ZEB1: variants seen among roughly 807,000 people sequenced by gnomAD.
ZEB1 encodes zinc finger E-box-binding homeobox 1.
A neutral mutation model predicts 84.9 loss-of-function variants in ZEB1; 21 were observed. The observed-to-expected ratio is 0.25, with a 90% CI of 0.18 to 0.36. The LOEUF is 0.36. Ranked by LOEUF, ZEB1 falls within the 10% of genes least tolerant of loss-of-function variation. The probability of loss-of-function intolerance (pLI) is 1.00; values close to 1 mark genes in which losing one functional copy is unlikely to be tolerated. For synonymous variants in ZEB1, 420 were observed against 471.1 expected, an observed-to-expected ratio of 0.89 and a Z score of 1.41; for missense variants, 1,104 against 1,330.2, an observed-to-expected ratio of 0.83 and a Z score of 2.65.
At chr10:31,526,207 A>T (rs890000981) in intron 8 of ZEB1, among the ~76,000 whole-genome samples, 4 of 152,222 alleles carry the variant, frequency 2.6e-5, no homozygotes, top group Admixed American at 6.5e-5. Flanking sequence ...TATCGTATAT[A>T]AAAAGTGTAT....
intron 5 of ZEB1, among the ~76,000 whole-genome samples, chr10:31,512,244 C>T (rs1339067003): frequency 2.0e-5 from 3 of 152,148 alleles, no homozygotes; most frequent in Non-Finnish European, 4.4e-5. Context: ...CCCTCTACTC[C>T]AAGGGCCATC....
At chr10:31,325,967 G>GGT (rs1371900730) in intron 1 of ZEB1, among the ~76,000 whole-genome samples, 1 of 124,878 alleles carries the variant, frequency 8.0e-6, no homozygotes, top group African/African-American at 2.8e-5. Flanking sequence ...TTGGTTTTGG[G>GGT]TTTTTTTTTT....
Position 31,467,292 on chromosome 10 carries a change from A to G in ZEB1, c.259+6055A>G, listed in dbSNP as rs560977604. Reference sequence around the variant, plus strand: ...AGCCACAAGGAGCCCAAAAGCCTTCAGTGTGCTAGGCAGCTGCAGCAAAAC... The same window carrying G: ...AGCCACAAGGAGCCCAAAAGCCTTCGGTGTGCTAGGCAGCTGCAGCAAAAC... On this transcript the variant is annotated intron_variant, in intron 2 of 8. Coordinates refer to ENST00000424869, the MANE Select transcript of ZEB1 (RefSeq NM_001174096.2). 2.6e-4 allele frequency among the ~76,000 whole-genome samples: 39 copies of G among 152,286 alleles called. 2 individuals are homozygous for G. In the South Asian group the frequency reaches 5.6e-3, roughly 22 times the overall value.
chr10:31,460,036 T>G (rs1424276500), intron 1 of ZEB1, among the ~76,000 whole-genome samples: 4 of 152,050 alleles, frequency 2.6e-5, no homozygotes, highest in African/African-American at 9.7e-5. Flanking sequence ...TTCTTCCGAA[T>G]CTTTTCTTAG....
At chr10:31,445,465 G>A (rs1317078937) in intron 1 of ZEB1, among the ~76,000 whole-genome samples, 91 of 146,820 alleles carry the variant, frequency 6.2e-4, no homozygotes, top group African/African-American at 2.2e-3. Context: ...GAATAGGAGC[G>A]GTGAGAGAGG....
intron 1 of ZEB1, among the ~76,000 whole-genome samples, chr10:31,331,955 G>A (rs1458914438): frequency 6.6e-6 from 1 of 152,058 alleles, no homozygotes; most frequent in Non-Finnish European, 1.5e-5. Context: ...AGCAAAGAGT[G>A]ACATGATTAC....
chr10:31,436,830 T>C (rs2058345095), intron 1 of ZEB1, among the ~76,000 whole-genome samples: 1 of 152,196 alleles, frequency 6.6e-6, no homozygotes, highest in Non-Finnish European at 1.5e-5. Context: ...TGGTATTAAA[T>C]TTTCTATTTG....
intron 1 of ZEB1, among the ~76,000 whole-genome samples, chr10:31,391,231 TTGTGTG>T (rs780805467): frequency 0.019 from 2,593 of 134,766 alleles, 33 homozygotes; most frequent in Non-Finnish European, 0.022. Flanking sequence ...ACAGGTAAGT[TTGTGTG>T]TGTGTGTGTG....
At chr10:31,440,255 A>G (rs999709719) in intron 1 of ZEB1, among the ~76,000 whole-genome samples, 16 of 152,192 alleles carry the variant, frequency 1.1e-4, no homozygotes, top group African/African-American at 3.9e-4. Flanking sequence ...TGGCTATGGT[A>G]AAAAATTTCC....
intron 1 of ZEB1, among the ~76,000 whole-genome samples, chr10:31,335,682 G>A (rs983821717): frequency 4.6e-5 from 7 of 152,212 alleles, no homozygotes; most frequent in African/African-American, 1.7e-4. Flanking sequence ...TCATGGTAAA[G>A]TATTGAAGGC....
chr10:31,320,084 C>T (rs2033452276), intron 1 of ZEB1: 2 of 151,658 alleles, frequency 1.3e-5, no homozygotes, highest in Admixed American at 1.3e-4. Flanking sequence ...AAGCGCCCCT[C>T]CTCCCTGGCG....
rs182794618 is a variant in ZEB1, at chr10:31,330,290, A to G, written c.58+10998A>G. Among the ~76,000 whole-genome samples the G allele has an allele frequency of 1.4e-4, 22 of 152,330 alleles. No homozygotes were observed. The East Asian group carries it at 4.2e-3, about 29-fold the overall frequency. On this transcript the variant is annotated intron_variant, in intron 1 of 8. Transcript: ENST00000424869. ...CAACTAATACCCAAAGCTCAGGATTATAGAGGAACACAAGTCCTACTTCCC... is the reference window on the plus strand; with the variant it reads ...CAACTAATACCCAAAGCTCAGGATTGTAGAGGAACACAAGTCCTACTTCCC...
chr10:31,319,036 A>G, upstream of ZEB1: 1 of 616,058 alleles, frequency 1.6e-6, no homozygotes, highest in Non-Finnish European at 3.0e-6. Flanking sequence ...CGGTTGCCGC[A>G]AACCGCCCGG....
chr10:31,461,818 A>C (rs1365031451), intron 2 of ZEB1, among the ~76,000 whole-genome samples: 1 of 152,132 alleles, frequency 6.6e-6, no homozygotes, highest in South Asian at 2.1e-4. Flanking sequence ...CTTCTTCCTC[A>C]TCTGTCAAAT....
rs369349992 is a variant in ZEB1, at chr10:31,392,518, G to A, written c.59-68519G>A. ...TTTTTGATCATAAGATGCTTTTAAT[G>A]TTATAGTAGGACTTTAGAAATGGTA... is the stretch of plus-strand genomic sequence containing the variant. On this transcript the variant is annotated intron_variant, in intron 1 of 8. Coordinates refer to ENST00000424869, the MANE Select transcript of ZEB1 (RefSeq NM_001174096.2). Among the ~76,000 whole-genome samples the A allele has an allele frequency of 2.1e-4, 32 of 152,120 alleles. No individual in the cohort carries two copies. In the East Asian group the frequency reaches 6.2e-3, roughly 29 times the overall value.
Position 31,461,232 on chromosome 10 carries a change from A to T in ZEB1, c.254A>T (p.Asp85Val), listed in dbSNP as rs2061772144. Residue 85 changes from aspartate (D) to valine (V), a missense_variant, in exon 2 of 9, where the codon GAT becomes GTT. Asp to Val is a radical substitution (Grantham distance 152, BLOSUM62 -3). Transcript: ENST00000424869. Reference protein sequence around the residue: ...REGNAKNCWEDDTGKEGQEIL... With the variant: ...REGNAKNCWEVDTGKEGQEIL... ...GGGAATGCTAAGAACTGCTGGGAGG[A>T]TGACAGTAAGTCTGATTTTTTTTTG... The T allele has an allele frequency of 6.2e-7, 1 of 1,611,798 alleles. No individual in the cohort carries two copies.
intron 2 of ZEB1, among the ~76,000 whole-genome samples, chr10:31,475,195 A>T (rs1439091480): frequency 6.6e-6 from 1 of 151,540 alleles, no homozygotes; most frequent in Non-Finnish European, 1.5e-5. Flanking sequence ...ATGTACCCTA[A>T]AACTTAAAGT....
chr10:31,473,024 A>C (rs1365872841), intron 2 of ZEB1, among the ~76,000 whole-genome samples: 1 of 142,000 alleles, frequency 7.0e-6, no homozygotes. Context: ...CATGCTAAAA[A>C]CTCTCAATAA....
intron 1 of ZEB1, among the ~76,000 whole-genome samples, chr10:31,345,847 AAAAG>A (rs1207937894): frequency 1.3e-5 from 2 of 152,166 alleles, no homozygotes; most frequent in Non-Finnish European, 2.9e-5. Context: ...TTTTACTGTA[AAAAG>A]AAAGAAATTC....
Sources: gnomAD v4.1 joint callset for allele counts (sites outside exome capture counted in the v4.1 genomes callset) on GRCh38, gnomAD v4.1.1 for gene constraint, MANE v1.5 for transcripts, NCBI Gene and HGNC (gene_info 2026-07-23, HGNC 2026-07-21) for gene names.